Variants in KCNJ3 observed in about 807,000 individuals in gnomAD.
The protein encoded by KCNJ3 is potassium inwardly rectifying channel subfamily J member 3, also known as G protein-activated inward rectifier potassium channel 1.
In KCNJ3, 4 loss-of-function variants were observed where a neutral mutation model predicts 39.2. The ratio of observed to expected loss-of-function variants is 0.10; its 90% CI spans 0.05 to 0.23. The LOEUF (loss-of-function observed/expected upper bound fraction) is 0.23. KCNJ3 is among the 10% of genes least tolerant of loss of function. The pLI is 1.00. For missense variants in KCNJ3, 276 were observed against 634.9 expected (o/e 0.43, Z 6.08); for synonymous variants, 230 against 237.4 (o/e 0.97, Z 0.29).
chr2:154,852,433 G>A (rs754991737), intron 2 of KCNJ3, among the ~76,000 whole-genome samples: 2 of 152,032 alleles, frequency 1.3e-5, no homozygotes, highest in African/African-American at 4.8e-5. Context: ...TTGTAAGGCA[G>A]TATTATCACT....
At position 154,838,023 on chromosome 2, in the gene KCNJ3, C is replaced by T. The variant is rs374246235; in HGVS notation, c.920-16704C>T. ...TAAATATTATTACTGATTGATTGAA[C>T]TCAAGTATGTAAGTCATTGAGACAT... On this transcript the variant is annotated intron_variant, in intron 2 of 2. Transcript: ENST00000295101. Among the ~76,000 whole-genome samples the T allele has an allele frequency of 1.4e-4, 22 of 152,232 alleles. No individual in the cohort carries two copies. The South Asian group carries it at 4.1e-3, about 29-fold the overall frequency.
At chr2:154,781,771 G>A (rs572890629) in intron 2 of KCNJ3, among the ~76,000 whole-genome samples, 2 of 152,288 alleles carry the variant, frequency 1.3e-5, no homozygotes, top group Admixed American at 1.3e-4. Flanking sequence ...ATAGGTACGT[G>A]TAATGAATAT....
Position 154,760,741 on chromosome 2 carries a change from T to C in KCNJ3, c.919+50922T>C, listed in dbSNP as rs1217358202. Among the ~76,000 whole-genome samples, 6 of 144,886 alleles carry C rather than the reference T, an allele frequency of 4.1e-5. No homozygotes were observed. The East Asian group carries it at 9.9e-4, about 24-fold the overall frequency. ...CTATTTTTTTCTTTTTTTTCTTTTTTTTTTTTTTTTTTTGAGATGGAGTCT... is the reference window on the plus strand; with the variant it reads ...CTATTTTTTTCTTTTTTTTCTTTTTCTTTTTTTTTTTTTGAGATGGAGTCT... On this transcript the variant is annotated intron_variant, in intron 2 of 2. Coordinates refer to ENST00000295101, the MANE Select transcript of KCNJ3 (RefSeq NM_002239.4).
chr2:154,806,956 A>G (rs891353785), intron 2 of KCNJ3, among the ~76,000 whole-genome samples: 3 of 152,204 alleles, frequency 2.0e-5, no homozygotes, highest in African/African-American at 7.2e-5. Flanking sequence ...GATGCATAGG[A>G]CAATACTGTT....
At chr2:154,760,986 C>T (rs1459970954) in intron 2 of KCNJ3, among the ~76,000 whole-genome samples, 1 of 151,090 alleles carries the variant, frequency 6.6e-6, no homozygotes, top group Non-Finnish European at 1.5e-5. Flanking sequence ...ATCCACCCGC[C>T]TTGGCCTCCC....
chr2:154,830,070 T>G (rs1318261811), intron 2 of KCNJ3, among the ~76,000 whole-genome samples: 1 of 152,172 alleles, frequency 6.6e-6, no homozygotes. Flanking sequence ...AGAAAGTTCA[T>G]CTGGAAAACC....
Position 154,731,868 on chromosome 2 carries a change from G to C in KCNJ3, c.919+22049G>C, listed in dbSNP as rs1442805728. Among the ~76,000 whole-genome samples, 3 of 151,722 alleles carry C rather than the reference G, an allele frequency of 2.0e-5. No individual in the cohort carries two copies. In the East Asian group the frequency reaches 5.8e-4, roughly 29 times the overall value. On this transcript the variant is annotated intron_variant, in intron 2 of 2. Coordinates refer to ENST00000295101, the MANE Select transcript of KCNJ3 (RefSeq NM_002239.4). Reference sequence around the variant, plus strand: ...CAAATGAAAATAATTCATTTCAGTGGGTCTTTGTAGGGTAAAAAATTATCA... The same window carrying C: ...CAAATGAAAATAATTCATTTCAGTGCGTCTTTGTAGGGTAAAAAATTATCA...
At chr2:154,798,351 C>A (rs984399350) in intron 2 of KCNJ3, among the ~76,000 whole-genome samples, 1 of 152,122 alleles carries the variant, frequency 6.6e-6, no homozygotes, top group African/African-American at 2.4e-5. Flanking sequence ...TTCCCAAATA[C>A]ATGTAAAATT....
intron 2 of KCNJ3, among the ~76,000 whole-genome samples, chr2:154,769,817 A>G (rs1032858157): frequency 5.9e-5 from 9 of 152,080 alleles, no homozygotes; most frequent in African/African-American, 2.2e-4. Flanking sequence ...TCTATATACT[A>G]TCCCAACATT....
intron 2 of KCNJ3, among the ~76,000 whole-genome samples, chr2:154,765,971 C>T (rs1487612985): frequency 3.9e-5 from 6 of 152,008 alleles, no homozygotes; most frequent in Admixed American, 3.3e-4. Context: ...AACGGTGTGG[C>T]GCCAAACAGT....
chr2:154,781,507 G>C (rs754875956), intron 2 of KCNJ3, among the ~76,000 whole-genome samples: 1 of 152,168 alleles, frequency 6.6e-6, no homozygotes, highest in Non-Finnish European at 1.5e-5. Context: ...GAAAGAAAAA[G>C]GAAGCAGCAC....
chr2:154,721,856 T>C (rs1369285992), intron 2 of KCNJ3, among the ~76,000 whole-genome samples: 3 of 152,194 alleles, frequency 2.0e-5, no homozygotes, highest in Non-Finnish European at 4.4e-5. Flanking sequence ...GGTGGAATGA[T>C]CTGGAATATG....
At chr2:154,708,106 T>A (rs1010571910) in intron 1 of KCNJ3, among the ~76,000 whole-genome samples, 14 of 151,868 alleles carry the variant, frequency 9.2e-5, no homozygotes, top group Non-Finnish European at 2.1e-4. Context: ...CAGTAATCAT[T>A]TTTTTCATAG....
intron 1 of KCNJ3, among the ~76,000 whole-genome samples, chr2:154,708,197 C>A (rs1236268636): frequency 6.6e-6 from 1 of 152,034 alleles, no homozygotes; most frequent in Admixed American, 6.6e-5. Context: ...CAAATAATAT[C>A]CGTGAATATT....
At chr2:154,796,604 A>G (rs1443740309) in intron 2 of KCNJ3, among the ~76,000 whole-genome samples, 1 of 151,358 alleles carries the variant, frequency 6.6e-6, no homozygotes, top group Non-Finnish European at 1.5e-5. Context: ...TTGCTAACTA[A>G]TGTTTGAGTC....
intron 2 of KCNJ3, among the ~76,000 whole-genome samples, chr2:154,767,221 A>G (rs999074742): frequency 6.6e-6 from 1 of 152,118 alleles, no homozygotes; most frequent in African/African-American, 2.4e-5. Flanking sequence ...GTTCTAGGGT[A>G]CATGTGCACA....
At chr2:154,716,451 T>C in intron 2 of KCNJ3, among the ~76,000 whole-genome samples, 1 of 151,888 alleles carries the variant, frequency 6.6e-6, no homozygotes, top group Admixed American at 6.6e-5. Context: ...TGATTATTAA[T>C]AGTAGTGAGA....
chr2:154,797,814 CTTATTA>C (rs1252103068), intron 2 of KCNJ3, among the ~76,000 whole-genome samples: 12 of 152,056 alleles, frequency 7.9e-5, no homozygotes, highest in Admixed American at 6.6e-4. Context: ...ATTGTTTCTA[CTTATTA>C]TTATTATATT....
intron 2 of KCNJ3, among the ~76,000 whole-genome samples, chr2:154,808,828 A>G (rs1686960661): frequency 6.6e-6 from 1 of 152,216 alleles, no homozygotes; most frequent in African/African-American, 2.4e-5. Flanking sequence ...GATCAGGAGA[A>G]GGTGAAGGAG....
Sources: gnomAD v4.1 joint callset for allele counts (sites outside exome capture counted in the v4.1 genomes callset) on GRCh38, gnomAD v4.1.1 for gene constraint, MANE v1.5 for transcripts, NCBI Gene and HGNC (gene_info 2026-07-23, HGNC 2026-07-21) for gene names.